Variants in LEF1 observed in about 807,000 individuals in gnomAD.
LEF1 encodes the protein lymphoid enhancer binding factor 1.
A neutral mutation model predicts 51.2 loss-of-function variants in LEF1; 14 were observed. The ratio of observed to expected loss-of-function variants is 0.27; its 90% CI spans 0.18 to 0.43. The LOEUF is 0.43. Ranked by LOEUF, LEF1 falls within the 20% of genes least tolerant of loss-of-function variation. The pLI is 1.00. For synonymous variants in LEF1, 185 were observed against 183.2 expected (o/e 1.01, Z -0.08); for missense variants, 386 against 512.0 (o/e 0.75, Z 2.37).
At chr4:108,056,809 G>C (rs1737333721) in intron 11 of LEF1, among the ~76,000 whole-genome samples, 1 of 150,984 alleles carries the variant, frequency 6.6e-6, no homozygotes, top group African/African-American at 2.4e-5. Flanking sequence ...GGCAATCCAT[G>C]CAAGATAAAC....
intron 9 of LEF1, among the ~76,000 whole-genome samples, chr4:108,065,779 T>G (rs1738041991): frequency 6.6e-6 from 1 of 152,258 alleles, no homozygotes; most frequent in Admixed American, 6.5e-5. Context: ...GGATATGATA[T>G]GTGTTCCATT....
chr4:108,157,171 T>TACACAC (rs1381299286), intron 3 of LEF1, among the ~76,000 whole-genome samples: 8 of 54,976 alleles, frequency 1.5e-4, no homozygotes, highest in East Asian at 1.0e-3. Flanking sequence ...TCTCTCTCTA[T>TACACAC]ATATATATAC....
intron 3 of LEF1, among the ~76,000 whole-genome samples, chr4:108,152,381 G>A (rs1251529665): frequency 2.0e-5 from 3 of 152,218 alleles, no homozygotes; most frequent in Non-Finnish European, 4.4e-5. Context: ...CCAGGGTGTG[G>A]AAAGCTTTTA....
chr4:108,166,338 G>C, intron 1 of LEF1: 1 of 1,521,126 alleles, frequency 6.6e-7, no homozygotes, highest in Non-Finnish European at 8.8e-7. Flanking sequence ...AACCCAAAAT[G>C]TCCCCGCCCT....
intron 3 of LEF1, among the ~76,000 whole-genome samples, chr4:108,128,798 G>T (rs1742697907): frequency 6.6e-6 from 1 of 152,102 alleles, no homozygotes; most frequent in Non-Finnish European, 1.5e-5. Flanking sequence ...TGTAAATCAT[G>T]AGAAGAGTTC....
At chr4:108,092,935 A>C (rs1560784265) in intron 3 of LEF1, among the ~76,000 whole-genome samples, 5 of 148,624 alleles carry the variant, frequency 3.4e-5, no homozygotes, top group East Asian at 3.9e-4. Flanking sequence ...AAAAAAAAAA[A>C]AAAAAAAAAA....
intron 3 of LEF1, among the ~76,000 whole-genome samples, chr4:108,135,677 G>A (rs1400279345): frequency 3.3e-5 from 5 of 152,174 alleles, no homozygotes; most frequent in African/African-American, 1.2e-4. Flanking sequence ...TGGGAACTGG[G>A]GGTAAGGAAG....
chr4:108,066,169 C>A (rs1031768928), intron 9 of LEF1, among the ~76,000 whole-genome samples: 26 of 152,122 alleles, frequency 1.7e-4, no homozygotes, highest in African/African-American at 6.3e-4. Flanking sequence ...GGGCTTCTTT[C>A]AAGATTATTA....
At chr4:108,077,025 CAA>C (rs35942591) in intron 8 of LEF1, among the ~76,000 whole-genome samples, 1 of 97,520 alleles carries the variant, frequency 1.0e-5, no homozygotes, top group Non-Finnish European at 2.0e-5. Context: ...AGACTCATCT[CAA>C]AAAAAAAAAA....
At chr4:108,092,022 G>A (rs918405641) in intron 3 of LEF1, among the ~76,000 whole-genome samples, 3 of 152,164 alleles carry the variant, frequency 2.0e-5, no homozygotes, top group Non-Finnish European at 4.4e-5. Context: ...TCTTTCCAGA[G>A]CACCACCTTA....
intron 11 of LEF1, among the ~76,000 whole-genome samples, chr4:108,050,367 G>C (rs1736900433): frequency 1.3e-5 from 2 of 152,136 alleles, no homozygotes; most frequent in Admixed American, 1.3e-4. Context: ...GGGTGCTCTA[G>C]ATTGGAGGTG....
intron 1 of LEF1, chr4:108,166,734 C>T: frequency 1.0e-6 from 1 of 989,616 alleles, no homozygotes; most frequent in Non-Finnish European, 1.2e-6. Flanking sequence ...CCGGCTTCCG[C>T]TGCTTCTCCG....
At chr4:108,092,576 G>T (rs1397220191) in intron 3 of LEF1, among the ~76,000 whole-genome samples, 1 of 152,070 alleles carries the variant, frequency 6.6e-6, no homozygotes, top group African/African-American at 2.4e-5. Context: ...CTGCTACTTT[G>T]GTTAAGTTTT....
At chr4:108,120,725 T>C (rs180967297) in intron 3 of LEF1, among the ~76,000 whole-genome samples, 1 of 152,374 alleles carries the variant, frequency 6.6e-6, no homozygotes, top group Non-Finnish European at 1.5e-5. Context: ...ATTTTCCCAA[T>C]GTTTACCTGT....
intron 8 of LEF1, among the ~76,000 whole-genome samples, chr4:108,076,160 G>T (rs566123731): frequency 2.0e-5 from 3 of 152,220 alleles, no homozygotes; most frequent in South Asian, 4.2e-4. Flanking sequence ...CCTCAGAGGG[G>T]CCTGCCCAAG....
At chr4:108,089,678 A>G (rs1363574572) in intron 3 of LEF1, among the ~76,000 whole-genome samples, 1 of 152,216 alleles carries the variant, frequency 6.6e-6, no homozygotes, top group Admixed American at 6.5e-5. Context: ...ACAAAAAGCA[A>G]AAAACTGTCC....
At chr4:108,110,544 T>G (rs1741465512) in intron 3 of LEF1, among the ~76,000 whole-genome samples, 1 of 152,236 alleles carries the variant, frequency 6.6e-6, no homozygotes, top group African/African-American at 2.4e-5. Flanking sequence ...TCAATGTTCT[T>G]TCTTTCTTTA....
intron 6 of LEF1, 147 bp downstream of exon 6, chr4:108,081,439 G>T: frequency 1.6e-6 from 1 of 642,550 alleles, no homozygotes. Flanking sequence ...CTGACACCTA[G>T]TGTGGGAGCC....
chr4:108,052,591 G>A (rs981630830), intron 11 of LEF1, among the ~76,000 whole-genome samples: 2 of 152,200 alleles, frequency 1.3e-5, no homozygotes, highest in African/African-American at 4.8e-5. Context: ...TGTCATGTGT[G>A]TATGAAGGAA....
Sources: allele counts gnomAD v4.1 joint callset (sites outside exome capture counted in the v4.1 genomes callset), GRCh38; gene constraint gnomAD v4.1.1; transcripts MANE v1.5; gene names NCBI Gene and HGNC (gene_info 2026-07-23, HGNC 2026-07-21).